Variants in PTPRM observed in about 807,000 individuals in gnomAD.
The protein encoded by PTPRM is protein tyrosine phosphatase receptor type M.
Under a neutral mutation model 186.7 loss-of-function variants are expected in PTPRM, and 47 were observed. That is an observed-to-expected ratio of 0.25 (90% CI 0.20 to 0.32). The LOEUF (loss-of-function observed/expected upper bound fraction) is 0.32. PTPRM is among the 10% of genes least tolerant of loss of function. The pLI is 1.00. For missense variants in PTPRM, 1,494 were observed against 1,865.0 expected, an observed-to-expected ratio of 0.80 and a Z score of 3.66; for synonymous variants, 668 against 674.9, an observed-to-expected ratio of 0.99 and a Z score of 0.16.
At chr18:7,789,962 A>C (rs2043260982) in intron 2 of PTPRM, among the ~76,000 whole-genome samples, 1 of 152,128 alleles carries the variant, frequency 6.6e-6, no homozygotes, top group Admixed American at 6.5e-5. Context: ...ATTTATCTTT[A>C]ATAAGATTGT....
chr18:7,809,811 G>A (rs331423), intron 2 of PTPRM, among the ~76,000 whole-genome samples: 2,229 of 152,272 alleles, frequency 0.015, 56 homozygotes, highest in African/African-American at 0.05. Flanking sequence ...AGATGATAAG[G>A]GGAGGGTGAT....
At chr18:8,393,603 C>A (rs573632421) in intron 31 of PTPRM, among the ~76,000 whole-genome samples, 1 of 152,190 alleles carries the variant, frequency 6.6e-6, no homozygotes, top group Non-Finnish European at 1.5e-5. Context: ...CCCAGCATCA[C>A]GTTCTTGGTT....
chr18:7,836,638 C>T (rs1215948041), intron 2 of PTPRM, among the ~76,000 whole-genome samples: 2 of 152,166 alleles, frequency 1.3e-5, no homozygotes, highest in African/African-American at 2.4e-5. Context: ...TCTTTCTAAT[C>T]GAGGTACTCC....
intron 23 of PTPRM, among the ~76,000 whole-genome samples, chr18:8,365,227 C>T (rs562074635): frequency 5.9e-5 from 9 of 152,212 alleles, no homozygotes; most frequent in Non-Finnish European, 1.3e-4. Flanking sequence ...TTCAGCCTCT[C>T]CTTCACCACC....
chr18:7,991,808 C>T (rs1055856597), intron 7 of PTPRM, among the ~76,000 whole-genome samples: 11 of 151,946 alleles, frequency 7.2e-5, no homozygotes, highest in Admixed American at 7.2e-4. Flanking sequence ...TTATAAAGGC[C>T]CATAAGTTAT....
In PTPRM at chr18:8,244,056, A is replaced by C; in HGVS notation, c.2301-2A>C. ...CTACATAATTGAATTCTTTATCCTA[A>C]GGAAACTGGCCAAGAAGCGGAAAGA... On this transcript the variant is annotated splice_acceptor_variant, in intron 14 of 32. Transcript: ENST00000580170. LOFTEE classifies it high-confidence loss of function. 2.5e-6 allele frequency: 4 copies of C among 1,607,824 alleles called. No homozygotes were observed. The highest frequency in any genetic ancestry group is 3.4e-6 in the Non-Finnish European group (4 of 1,178,130).
chr18:8,159,092 T>A (rs1448864775), intron 14 of PTPRM, among the ~76,000 whole-genome samples: 1 of 152,114 alleles, frequency 6.6e-6, no homozygotes, highest in African/African-American at 2.4e-5. Flanking sequence ...ACCTCTGGAA[T>A]CTTTAATTTA....
At chr18:7,644,147 G>T (rs2144208009) in intron 1 of PTPRM, among the ~76,000 whole-genome samples, 1 of 152,162 alleles carries the variant, frequency 6.6e-6, no homozygotes, top group East Asian at 1.9e-4. Context: ...ATAATACTTT[G>T]GAGGTTTCTA....
rs188457270 is a variant in PTPRM, at chr18:7,634,585, T to A, written c.73+66694T>A. On this transcript the variant is annotated intron_variant, in intron 1 of 32. Transcript: ENST00000580170. ...TATTTTAGATTTCTCCCAATAAACA[T>A]TTATCCTCCTTTCCTCTGAAATTTG... is the stretch of plus-strand genomic sequence containing the variant. 3.1e-3 allele frequency among the ~76,000 whole-genome samples: 479 copies of A among 152,330 alleles called. 1 individual carries two copies. The highest frequency in any genetic ancestry group is 4.1e-3 in the Non-Finnish European group (280 of 68,028).
At chr18:7,842,910 A>ATATG (rs1325866853) in intron 2 of PTPRM, among the ~76,000 whole-genome samples, 120 of 106,944 alleles carry the variant, frequency 1.1e-3, no homozygotes, top group Middle Eastern at 4.8e-3. Flanking sequence ...TGTTTCTCAT[A>ATATG]TGTGTGTGTG....
rs553240035 is a variant in PTPRM, at chr18:8,146,233, A to G, written c.2300+2454A>G. Among the ~76,000 whole-genome samples, 576 of 152,140 alleles carry G rather than the reference A, an allele frequency of 3.8e-3. 4 individuals are homozygous for G. Among genetic ancestry groups the G allele is most frequent in the African/African-American group, 0.013 (533 of 41,534 alleles). On this transcript the variant is annotated intron_variant, in intron 14 of 32. Transcript: ENST00000580170. ...GAGACAGGGTTTCTCCATGTTGGTC[A>G]AGCTGGTCTCAAACTCCCAATCTTG...
rs552727201 is a variant in PTPRM, at chr18:7,696,947, T to C, written c.74-77202T>C. Among the ~76,000 whole-genome samples the C allele has an allele frequency of 8.5e-4, 130 of 152,328 alleles. No individual in the cohort carries two copies. The South Asian group carries it at 0.011, about 13-fold the overall frequency. On this transcript the variant is annotated intron_variant, in intron 1 of 32. Coordinates refer to ENST00000580170, the MANE Select transcript of PTPRM (RefSeq NM_001105244.2). ...GTCTTTACTGTGCGGGCTTTATGTT[T>C]GCAGATGATCCATAGAAACACAAAC... is the stretch of plus-strand genomic sequence containing the variant.
chr18:7,955,128 C>T lies in PTPRM; in HGVS notation c.846C>T (p.Pro282=), dbSNP rs145680685. The part of the protein sequence containing the change: ...NYAELVVKEP[P]VPIAPPQLAS... ...TTCTGGTTTGTCTTTCAGAACCACC[C>T]GTTCCTATTGCCCCACCTCAGCTCG... is the stretch of plus-strand genomic sequence containing the variant. The change falls in exon 7 of 33, where the codon CCC becomes CCT. Residue 282 remains proline (P), a synonymous_variant. Coordinates refer to ENST00000580170, the MANE Select transcript of PTPRM (RefSeq NM_001105244.2). 133 of 1,601,954 alleles carry T rather than the reference C, an allele frequency of 8.3e-5. No individual in the cohort carries two copies. Among genetic ancestry groups the T allele is most frequent in the Non-Finnish European group, 1.0e-4 (121 of 1,170,714 alleles).
intron 22 of PTPRM, among the ~76,000 whole-genome samples, chr18:8,334,449 C>A (rs1309713781): frequency 6.6e-6 from 1 of 152,116 alleles, no homozygotes; most frequent in Non-Finnish European, 1.5e-5. Context: ...TTAGGGCCTG[C>A]CCCCTGCCCT....
intron 20 of PTPRM, among the ~76,000 whole-genome samples, chr18:8,300,263 G>A (rs996909377): frequency 4.6e-5 from 7 of 152,126 alleles, no homozygotes; most frequent in Admixed American, 6.5e-5. Context: ...AGAGAAGGTC[G>A]TAGGGTTTGG....
At chr18:7,977,721 T>C (rs954788281) in intron 7 of PTPRM, among the ~76,000 whole-genome samples, 5 of 152,022 alleles carry the variant, frequency 3.3e-5, no homozygotes, top group Non-Finnish European at 7.4e-5. Context: ...CCTTGAGACT[T>C]TGGGGGCAAG....
At chr18:8,038,995 A>G (rs533581567) in intron 7 of PTPRM, among the ~76,000 whole-genome samples, 153 of 152,064 alleles carry the variant, frequency 1.0e-3, no homozygotes, top group African/African-American at 3.6e-3. Flanking sequence ...TTTTTTTGCC[A>G]GAATTATATT....
intron 3 of PTPRM, among the ~76,000 whole-genome samples, chr18:7,905,005 T>A (rs2049902708): frequency 6.6e-6 from 1 of 152,174 alleles, no homozygotes; most frequent in South Asian, 2.1e-4. Context: ...TTTTTTTTAT[T>A]TTGTTGAGAC....
intron 1 of PTPRM, among the ~76,000 whole-genome samples, chr18:7,581,956 G>A (rs544449421): frequency 5.8e-4 from 88 of 152,118 alleles, no homozygotes; most frequent in African/African-American, 2.0e-3. Context: ...CACCCCACCT[G>A]GCATAAAATT....
Sources: gnomAD v4.1 joint callset for allele counts (sites outside exome capture counted in the v4.1 genomes callset) on GRCh38, gnomAD v4.1.1 for gene constraint, MANE v1.5 for transcripts, NCBI Gene and HGNC (gene_info 2026-07-23, HGNC 2026-07-21) for gene names.